Variants in CSMD1 observed in about 807,000 individuals in gnomAD.
The protein encoded by CSMD1 is CUB and sushi domain-containing protein 1.
A neutral mutation model predicts 417.5 loss-of-function variants in CSMD1; 213 were observed. The ratio of observed to expected loss-of-function variants is 0.51; its 90% CI spans 0.46 to 0.57. The LOEUF is 0.57. Ranked by LOEUF, CSMD1 falls within the 20% of genes least tolerant of loss-of-function variation. CSMD1 has a pLI of 0.00. For missense variants in CSMD1, 6,923 were observed against 4,529.7 expected, an observed-to-expected ratio of 1.53 and a Z score of -15.17; for synonymous variants, 2,862 against 1,736.8, an observed-to-expected ratio of 1.65 and a Z score of -16.11.
intron 3 of CSMD1, among the ~76,000 whole-genome samples, chr8:4,361,993 G>A (rs1377954088): frequency 6.6e-6 from 1 of 150,818 alleles, no homozygotes; most frequent in East Asian, 1.9e-4. Context: ...AATAAATAAA[G>A]TTTCCTATCC....
chr8:4,813,560 C>T (rs1037366003), intron 1 of CSMD1, among the ~76,000 whole-genome samples: 1 of 152,144 alleles, frequency 6.6e-6, no homozygotes, highest in African/African-American at 2.4e-5. Flanking sequence ...TTTCCAGAAG[C>T]CCTAGAGAAA....
At chr8:3,212,129 G>A (rs1353202002) in intron 30 of CSMD1, among the ~76,000 whole-genome samples, 1 of 152,138 alleles carries the variant, frequency 6.6e-6, no homozygotes, top group Non-Finnish European at 1.5e-5. Context: ...AAGCCACTCT[G>A]GCTCACTGCC....
intron 3 of CSMD1, among the ~76,000 whole-genome samples, chr8:4,127,150 G>C (rs1029496976): frequency 6.6e-6 from 1 of 152,004 alleles, no homozygotes; most frequent in Non-Finnish European, 1.5e-5. Context: ...CTTTGCATCT[G>C]CTGCAGAAAC....
chr8:3,614,905 A>T (rs1024292967), intron 8 of CSMD1, among the ~76,000 whole-genome samples: 15 of 151,546 alleles, frequency 9.9e-5, no homozygotes, highest in Non-Finnish European at 8.8e-5. Context: ...GCACAGAAGG[A>T]AAGGGAAGGG....
chr8:4,180,160 A>C (rs570848088), intron 3 of CSMD1, among the ~76,000 whole-genome samples: 22 of 152,282 alleles, frequency 1.4e-4, no homozygotes, highest in African/African-American at 4.6e-4. Context: ...CACGACAGCA[A>C]AGACTTGGAA....
intron 5 of CSMD1, among the ~76,000 whole-genome samples, chr8:3,881,080 G>A (rs1806172662): frequency 6.6e-6 from 1 of 152,152 alleles, no homozygotes; most frequent in Non-Finnish European, 1.5e-5. Flanking sequence ...ATAAAAAACT[G>A]AATGCACGAA....
chr8:3,723,266 A>T (rs981013212), intron 6 of CSMD1, among the ~76,000 whole-genome samples: 2 of 152,126 alleles, frequency 1.3e-5, no homozygotes, highest in Non-Finnish European at 2.9e-5. Context: ...GACTGTCCCA[A>T]TTCGAATCCT....
chr8:4,123,467 G>C (rs1177997605), intron 3 of CSMD1, among the ~76,000 whole-genome samples: 1 of 152,028 alleles, frequency 6.6e-6, no homozygotes, highest in African/African-American at 2.4e-5. Flanking sequence ...CATTATTGTG[G>C]GTAAATCAGT....
At chr8:4,190,564 G>A (rs186132235) in intron 3 of CSMD1, among the ~76,000 whole-genome samples, 15 of 147,912 alleles carry the variant, frequency 1.0e-4, no homozygotes, top group Middle Eastern at 7.1e-3. Context: ...TTAACTGAAA[G>A]AGACTCTGAT....
intron 1 of CSMD1, among the ~76,000 whole-genome samples, chr8:4,968,945 A>C (rs7823766): frequency 6.6e-6 from 1 of 151,826 alleles, no homozygotes; most frequent in Non-Finnish European, 1.5e-5. Flanking sequence ...CATTCTCTCC[A>C]TCACTCCATG....
chr8:4,013,151 C>G (rs1468895972), intron 4 of CSMD1, among the ~76,000 whole-genome samples: 1 of 152,100 alleles, frequency 6.6e-6, no homozygotes, highest in Non-Finnish European at 1.5e-5. Context: ...TCCCACACTG[C>G]TCAGTATAGA....
intron 1 of CSMD1, among the ~76,000 whole-genome samples, chr8:4,797,319 A>G (rs1798034086): frequency 6.6e-6 from 1 of 152,186 alleles, no homozygotes; most frequent in South Asian, 2.1e-4. Context: ...CTTTTGTGGC[A>G]GCTGAGAGTG....
intron 5 of CSMD1, among the ~76,000 whole-genome samples, chr8:3,976,131 T>A (rs1813419181): frequency 6.6e-6 from 1 of 152,046 alleles, no homozygotes; most frequent in African/African-American, 2.4e-5. Context: ...ACCTATATAG[T>A]AGAAATTCTA....
At chr8:4,278,695 G>GA (rs199744817) in intron 3 of CSMD1, among the ~76,000 whole-genome samples, 30 of 152,242 alleles carry the variant, frequency 2.0e-4, no homozygotes, top group East Asian at 7.7e-4. Flanking sequence ...CCACTTAAAT[G>GA]GCTAACAAAA....
intron 2 of CSMD1, among the ~76,000 whole-genome samples, chr8:4,502,091 A>C (rs1173102120): frequency 6.6e-6 from 1 of 152,176 alleles, no homozygotes; most frequent in East Asian, 1.9e-4. Context: ...TGTTACCTAC[A>C]AACCTACAAG....
chr8:4,339,126 T>C (rs1800336498), intron 3 of CSMD1, among the ~76,000 whole-genome samples: 1 of 152,092 alleles, frequency 6.6e-6, no homozygotes, highest in Non-Finnish European at 1.5e-5. Flanking sequence ...GGCAGAAATA[T>C]ATTCCAACTA....
intron 4 of CSMD1, among the ~76,000 whole-genome samples, chr8:4,019,106 C>G (rs1796660922): frequency 6.6e-6 from 1 of 152,140 alleles, no homozygotes; most frequent in Non-Finnish European, 1.5e-5. Flanking sequence ...CTGCTAGATA[C>G]ATATTTTTGT....
chr8:3,670,158 G>A (rs186991020), intron 7 of CSMD1, among the ~76,000 whole-genome samples: 1 of 152,006 alleles, frequency 6.6e-6, no homozygotes, highest in Non-Finnish European at 1.5e-5. Context: ...TAATATTTGA[G>A]TCAATGGATC....
chr8:3,951,646 TA>T (rs1223087615), intron 5 of CSMD1, among the ~76,000 whole-genome samples: 4 of 152,174 alleles, frequency 2.6e-5, no homozygotes, highest in Non-Finnish European at 5.9e-5. Context: ...GAAGAAAGGT[TA>T]AAATTTTTTA....
Sources: gnomAD v4.1 joint callset for allele counts (sites outside exome capture counted in the v4.1 genomes callset) on GRCh38, gnomAD v4.1.1 for gene constraint, MANE v1.5 for transcripts, NCBI Gene and HGNC (gene_info 2026-07-23, HGNC 2026-07-21) for gene names.